STAU1: variants seen among roughly 807,000 people sequenced by gnomAD.
The protein encoded by STAU1 is staufen double-stranded RNA binding protein 1.
Under a neutral mutation model 62.9 loss-of-function variants are expected in STAU1, and 13 were observed. The observed-to-expected ratio is 0.21, with a 90% CI of 0.13 to 0.33. The LOEUF (loss-of-function observed/expected upper bound fraction) is 0.33, where lower values mean the gene tolerates loss of function less well. Among genes scored for constraint, STAU1 ranks in the 10% least tolerant of loss-of-function variants. STAU1 has a pLI of 1.00. For missense variants in STAU1, 571 were observed against 712.1 expected, an observed-to-expected ratio of 0.80 and a Z score of 2.25; for synonymous variants, 269 against 265.1, an observed-to-expected ratio of 1.01 and a Z score of -0.14.
At chr20:49,162,700 C>T (rs568919075) in intron 3 of STAU1, among the ~76,000 whole-genome samples, 11 of 150,318 alleles carry the variant, frequency 7.3e-5, no homozygotes, top group Admixed American at 3.3e-4. Context: ...GGCGTGAACC[C>T]GGGAGGCAGA....
chr20:49,197,090 G>C, the STAU1 span, among the ~76,000 whole-genome samples: 2 of 151,946 alleles, frequency 1.3e-5, no homozygotes, highest in African/African-American at 4.8e-5. Context: ...GGGAGGTGGA[G>C]GTTGCAGTGA....
chr20:49,134,726 C>A, intron 6 of STAU1: 1 of 1,101,468 alleles, frequency 9.1e-7, no homozygotes, highest in Non-Finnish European at 1.4e-6. Flanking sequence ...GAAAAAACTC[C>A]AAAAGTGCAA....
intron 3 of STAU1, among the ~76,000 whole-genome samples, chr20:49,161,794 G>C (rs2093452297): frequency 6.6e-6 from 1 of 152,190 alleles, no homozygotes; most frequent in African/African-American, 2.4e-5. Context: ...ACAAATGTAG[G>C]CAGCCATGAT....
In STAU1 at chr20:49,169,566, C is replaced by T. The variant is rs368622489; in HGVS notation, c.-84-3281G>A. Among the ~76,000 whole-genome samples, 15 of 152,286 alleles carry T rather than the reference C, an allele frequency of 9.8e-5. 1 individual carries two copies. The highest frequency in any genetic ancestry group is 8.3e-4 in the South Asian group (4 of 4,828). The stretch of plus-strand genomic sequence containing the variant: ...TGTTTTCCACCAGGTAAATTAAGGA[C>T]TTGAGAGATCAAAATGTTTTGTTAG... On this transcript the variant is annotated intron_variant, in intron 2 of 13. Transcript: ENST00000371856.
the STAU1 span, among the ~76,000 whole-genome samples, chr20:49,212,828 C>G: frequency 9.9e-5 from 15 of 151,428 alleles, no homozygotes; most frequent in African/African-American, 2.9e-4. Flanking sequence ...GAACTCCTGA[C>G]CTCAGGTGGT....
the STAU1 span, among the ~76,000 whole-genome samples, chr20:49,206,751 A>ATATATATT: frequency 1.5e-4 from 14 of 95,034 alleles, no homozygotes; most frequent in Non-Finnish European, 2.8e-4. Context: ...ATATATATAT[A>ATATATATT]TTTTATTTTA....
chr20:49,206,751 A>ATATATTTTTTTT, the STAU1 span, among the ~76,000 whole-genome samples: 1 of 95,040 alleles, frequency 1.1e-5, no homozygotes, highest in African/African-American at 4.3e-5. Context: ...ATATATATAT[A>ATATATTTTTTTT]TTTTATTTTA....
At chr20:49,209,059 C>T in the STAU1 span, among the ~76,000 whole-genome samples, 1 of 151,986 alleles carries the variant, frequency 6.6e-6, no homozygotes, top group East Asian at 1.9e-4. Context: ...CCTCAGCCTC[C>T]CGAGAAGCTG....
rs149873069 is a variant in STAU1 at position 49,171,965 on chromosome 20, A to T, written c.-85+2230T>A. On this transcript the variant is annotated intron_variant, in intron 2 of 13. Coordinates refer to ENST00000371856, the MANE Select transcript of STAU1 (RefSeq NM_017453.4). ...CAAATCACTAAGTACCTGATGCTCA[A>T]GACAAAGACAGAGATTAGCCCTGAG... Among the ~76,000 whole-genome samples, 293 of 152,284 alleles carry T rather than the reference A, an allele frequency of 1.9e-3. 1 individual carries two copies. The highest frequency in any genetic ancestry group is 6.7e-3 in the African/African-American group (278 of 41,558).
intron 1 of STAU1, among the ~76,000 whole-genome samples, chr20:49,178,554 G>C (rs1037183332): frequency 7.2e-5 from 11 of 151,906 alleles, no homozygotes; most frequent in Non-Finnish European, 1.3e-4. Flanking sequence ...TTCAAGATCA[G>C]CCTGGCTAAC....
intron 3 of STAU1, among the ~76,000 whole-genome samples, chr20:49,158,145 G>T (rs968998450): frequency 1.3e-5 from 2 of 151,854 alleles, no homozygotes; most frequent in Non-Finnish European, 2.9e-5. Flanking sequence ...AGCCACGTGT[G>T]GTAGTACGTG....
intron 2 of STAU1, among the ~76,000 whole-genome samples, chr20:49,169,209 C>G (rs1351335914): frequency 6.6e-6 from 1 of 152,102 alleles, no homozygotes; most frequent in Non-Finnish European, 1.5e-5. Context: ...CTCAGCCTCC[C>G]TAAGTGCTAG....
chr20:49,145,097 AT>A (rs1450523757), intron 5 of STAU1, among the ~76,000 whole-genome samples: 1 of 152,238 alleles, frequency 6.6e-6, no homozygotes, highest in Non-Finnish European at 1.5e-5. Context: ...CTCATGCAAT[AT>A]CATTCCTTAA....
intron 5 of STAU1, among the ~76,000 whole-genome samples, chr20:49,137,765 A>C (rs1343663702): frequency 6.6e-6 from 1 of 151,736 alleles, no homozygotes; most frequent in East Asian, 1.9e-4. Context: ...TCCTGGGTTC[A>C]AGCGATTCTC....
chr20:49,206,885 A>T, the STAU1 span, among the ~76,000 whole-genome samples: 1 of 150,828 alleles, frequency 6.6e-6, no homozygotes, highest in Admixed American at 6.6e-5. Context: ...CCTCCCGAGT[A>T]GCTGGGATTA....
chr20:49,186,466 T>A (rs1028326870), intron 1 of STAU1, among the ~76,000 whole-genome samples: 2 of 151,908 alleles, frequency 1.3e-5, no homozygotes, highest in African/African-American at 4.8e-5. Flanking sequence ...AAGAGATGGG[T>A]ATAAATCAAA....
intron 6 of STAU1, among the ~76,000 whole-genome samples, chr20:49,124,843 T>A (rs2092554304): frequency 6.6e-6 from 1 of 152,120 alleles, no homozygotes; most frequent in Admixed American, 6.5e-5. Context: ...CCCATGCCCC[T>A]GGCTCACAGG....
the STAU1 span, among the ~76,000 whole-genome samples, chr20:49,206,976 G>T: frequency 2.0e-5 from 3 of 151,300 alleles, no homozygotes; most frequent in Admixed American, 2.0e-4. Flanking sequence ...GGATAGTCTT[G>T]ATTTTCTGAC....
the STAU1 span, among the ~76,000 whole-genome samples, chr20:49,193,381 GA>G: frequency 3.4e-3 from 491 of 146,432 alleles, 4 homozygotes; most frequent in African/African-American, 0.011. Flanking sequence ...TGTCTCTAAA[GA>G]AAAAAAAAAG....
Sources: allele counts gnomAD v4.1 joint callset (sites outside exome capture counted in the v4.1 genomes callset), GRCh38; gene constraint gnomAD v4.1.1; transcripts MANE v1.5; gene names NCBI Gene and HGNC (gene_info 2026-07-23, HGNC 2026-07-21).